The following GMCL1 variants were observed in gnomAD, a reference collection of about 807,000 sequenced individuals.
The protein encoded by GMCL1 is germ cell-less 1, spermatogenesis associated.
A neutral mutation model predicts 75.5 loss-of-function variants in GMCL1; 54 were observed. That is an observed-to-expected ratio of 0.71 (90% CI 0.57 to 0.90). The LOEUF (loss-of-function observed/expected upper bound fraction) is 0.90. GMCL1 is among the 40% of genes least tolerant of loss of function. The probability of loss-of-function intolerance (pLI) is 0.00; values close to 1 mark genes in which losing one functional copy is unlikely to be tolerated. For synonymous variants in GMCL1, 210 were observed against 209.6 expected, an observed-to-expected ratio of 1.00 and a Z score of -0.02; for missense variants, 537 against 622.7, an observed-to-expected ratio of 0.86 and a Z score of 1.47.
chr2:69,857,091 T>C (rs1018474008), intron 9 of GMCL1, among the ~76,000 whole-genome samples: 1 of 152,210 alleles, frequency 6.6e-6, no homozygotes, highest in East Asian at 1.9e-4. Context: ...CAGGCTATTA[T>C]ATAGCCTAGC....
intron 7 of GMCL1, among the ~76,000 whole-genome samples, chr2:69,849,415 C>T (rs1298809563): frequency 1.3e-5 from 2 of 152,192 alleles, no homozygotes; most frequent in Non-Finnish European, 2.9e-5. Context: ...ATCTGCCCAC[C>T]TTGGCCTCCC....
At chr2:69,836,417 T>G (rs1674818557) in intron 1 of GMCL1, among the ~76,000 whole-genome samples, 1 of 152,206 alleles carries the variant, frequency 6.6e-6, no homozygotes, top group South Asian at 2.1e-4. Flanking sequence ...GAAACTACAT[T>G]GTCTCTTGAT....
rs539514355 is a variant in GMCL1, at chr2:69,881,184, C to A, written c.*2180C>A. 79 of 152,326 alleles carry A rather than the reference C, an allele frequency of 5.2e-4. No individual in the cohort carries two copies. The highest frequency in any genetic ancestry group is 1.9e-3 in the African/African-American group (77 of 41,568). The allele number at this position is 152,326 out of a possible 1,614,324, so 9.4% of individuals were successfully genotyped here. On this transcript the variant is annotated 3_prime_UTR_variant, in exon 14 of 14. Coordinates refer to ENST00000282570, the MANE Select transcript of GMCL1 (RefSeq NM_178439.5). The stretch of plus-strand genomic sequence containing the variant: ...CCAAGTTGCTTATGTCATCCATAGA[C>A]AGGATAATTCTTTCTTCAATCACAA...
Position 69,830,135 on chromosome 2 carries a change from C to T in GMCL1, c.243C>T (p.Leu81=), listed in dbSNP as rs1312301207. ...DEEEGDEQQR[L]LNTPRRKKLK... is the part of the protein sequence containing the mutation. Reference sequence around the variant, plus strand: ...AGGAGGGGGACGAGCAGCAGCGGCTCCTCAACACCCCTCGAAGGTACGTGG... The same window carrying T: ...AGGAGGGGGACGAGCAGCAGCGGCTTCTCAACACCCCTCGAAGGTACGTGG... The change falls in exon 1 of 14, where the codon CTC becomes CTT. Residue 81 remains leucine, a synonymous_variant. Coordinates refer to ENST00000282570, the MANE Select transcript of GMCL1 (RefSeq NM_178439.5). The T allele has an allele frequency of 6.4e-7, 1 of 1,566,882 alleles. No individual in the cohort carries two copies. Among genetic ancestry groups the T allele is most frequent in the Non-Finnish European group, 8.7e-7 (1 of 1,155,534 alleles).
chr2:69,843,287 C>A lies in GMCL1; in HGVS notation c.692+26C>A, dbSNP rs60400242. The A allele has an allele frequency of 5.8e-4, 728 of 1,249,396 alleles. 4 individuals carry two copies. In the East Asian group the frequency reaches 9.1e-3, roughly 16 times the overall value. The allele number at this position is 1,249,396 out of a possible 1,614,324, so 77.4% of individuals were successfully genotyped here. On this transcript the variant is annotated intron_variant, in intron 5 of 13. Transcript: ENST00000282570. ...GTGAGTTGCCTTTCTTGTTTTTCTT[C>A]CTATCCCACTTTTAGGAATTTGGTT...
At chr2:69,844,103 A>T (rs1675064298) in intron 5 of GMCL1, 28 bp from the exon 6 acceptor site, 1 of 1,137,970 alleles carries the variant, frequency 8.8e-7, no homozygotes, top group Non-Finnish European at 1.3e-6. Flanking sequence ...ATGGCATATA[A>T]TGTAATAATT....
chr2:69,848,289 C>T (rs182942303), intron 7 of GMCL1, among the ~76,000 whole-genome samples: 1 of 152,216 alleles, frequency 6.6e-6, no homozygotes, highest in African/African-American at 2.4e-5. Context: ...AAACTTCAGA[C>T]TGAGACACTT....
rs141057272 is a variant in GMCL1, at chr2:69,852,649, C to T, written c.935-2174C>T. Among the ~76,000 whole-genome samples the T allele has an allele frequency of 4.5e-3, 686 of 152,080 alleles. 3 individuals carry two copies. Among genetic ancestry groups the T allele is most frequent in the African/African-American group, 0.016 (657 of 41,450 alleles). Reference sequence around the variant, plus strand: ...CACCTCCCAGATTCAAGCAATTCTCCTGCCTCAGCCTCCCGAGTAGCTGGG... The same window carrying T: ...CACCTCCCAGATTCAAGCAATTCTCTTGCCTCAGCCTCCCGAGTAGCTGGG... On this transcript the variant is annotated intron_variant, in intron 8 of 13. Coordinates refer to ENST00000282570, the MANE Select transcript of GMCL1 (RefSeq NM_178439.5).
At chr2:69,851,294 A>G (rs1675312366) in intron 8 of GMCL1, among the ~76,000 whole-genome samples, 1 of 151,992 alleles carries the variant, frequency 6.6e-6, no homozygotes, top group Non-Finnish European at 1.5e-5. Flanking sequence ...AAGAATTAGC[A>G]GGGCAGCCTG....
chr2:69,844,259 A>C (rs916186582), intron 6 of GMCL1, 63 bp downstream of exon 6: 1 of 936,226 alleles, frequency 1.1e-6, no homozygotes, highest in African/African-American at 1.7e-5. Context: ...CATTTGTTAA[A>C]GTACATAACA....
chr2:69,830,375 G>T (rs569372193), intron 1 of GMCL1, among the ~76,000 whole-genome samples: 2 of 152,210 alleles, frequency 1.3e-5, no homozygotes, highest in Non-Finnish European at 2.9e-5. Context: ...CGCTTCCAGG[G>T]TGTTGTTACA....
Position 69,841,257 on chromosome 2 carries a change from C to A in GMCL1, c.579+218C>A, listed in dbSNP as rs747098672. 9.5e-4 allele frequency among the ~76,000 whole-genome samples: 145 copies of A among 152,148 alleles called. 1 individual carries two copies. Among genetic ancestry groups the A allele is most frequent in the Non-Finnish European group, 9.4e-4 (64 of 68,016 alleles). ...GATGTCTGCATAAAATGAATGCAGG[C>A]CATTTCTGTGTAGATATCTTAGTAT... On this transcript the variant is annotated intron_variant, in intron 4 of 13. Coordinates refer to ENST00000282570, the MANE Select transcript of GMCL1 (RefSeq NM_178439.5).
Position 69,855,685 on chromosome 2 carries a change from C to G in GMCL1, c.1072+725C>G, listed in dbSNP as rs546737587. On this transcript the variant is annotated intron_variant, in intron 9 of 13. Coordinates refer to ENST00000282570, the MANE Select transcript of GMCL1 (RefSeq NM_178439.5). ...GAAGGAAAACTTAGAGTTAACTCTT[C>G]TGGTATATTTGGAAGTGATGCATTT... 1.1e-4 allele frequency among the ~76,000 whole-genome samples: 17 copies of G among 152,232 alleles called. No individual in the cohort carries two copies. In the South Asian group the frequency reaches 3.5e-3, roughly 32 times the overall value.
intron 13 of GMCL1, 111 bp downstream of exon 13, chr2:69,871,943 T>C: frequency 1.4e-6 from 1 of 716,492 alleles, no homozygotes; most frequent in Non-Finnish European, 2.3e-6. Flanking sequence ...GACCTAAAAG[T>C]TGGTTTAAAA....
chr2:69,878,900 G>A lies in GMCL1; in HGVS notation c.1453-9G>A. The A allele has an allele frequency of 3.8e-6, 6 of 1,576,472 alleles. No homozygotes were observed. Among genetic ancestry groups the A allele is most frequent in the Non-Finnish European group, 5.2e-6 (6 of 1,146,504 alleles). On this transcript the variant is annotated splice_polypyrimidine_tract_variant and intron_variant, in intron 13 of 13. Transcript: ENST00000282570. ...TAATTGTCATTGAATCTACAAATCT[G>A]TCTTATAGGAACAAGTGGTGATGAA...
rs145849773 is a variant in GMCL1 at position 69,846,614 on chromosome 2, G to A, written c.759-929G>A. Among the ~76,000 whole-genome samples, 687 of 152,194 alleles carry A rather than the reference G, an allele frequency of 4.5e-3. 7 individuals carry two copies. The highest frequency in any genetic ancestry group is 0.014 in the African/African-American group (592 of 41,532). On this transcript the variant is annotated intron_variant, in intron 6 of 13. Transcript: ENST00000282570. Reference sequence around the variant, plus strand: ...GAGCAGGATCCTCTTAAAAACCCACGTGCTCTCTTGGCTTTTTATGGCTCA... The same window carrying A: ...GAGCAGGATCCTCTTAAAAACCCACATGCTCTCTTGGCTTTTTATGGCTCA...
chr2:69,859,509 C>T (rs1675577688), intron 9 of GMCL1, among the ~76,000 whole-genome samples: 1 of 150,574 alleles, frequency 6.6e-6, no homozygotes. Flanking sequence ...TTAGGCCAGA[C>T]ATGGTGGCTC....
intron 11 of GMCL1, among the ~76,000 whole-genome samples, chr2:69,866,984 G>T (rs1675836017): frequency 6.7e-6 from 1 of 149,996 alleles, no homozygotes; most frequent in Non-Finnish European, 1.5e-5. Context: ...TCACTCTGTT[G>T]CCCAGGCTGG....
chr2:69,852,786 G>A (rs2103991327), intron 8 of GMCL1, among the ~76,000 whole-genome samples: 1 of 152,278 alleles, frequency 6.6e-6, no homozygotes, highest in Non-Finnish European at 1.5e-5. Flanking sequence ...TGATCTGCCT[G>A]CCTCGGCCTC....
Sources: allele counts gnomAD v4.1 joint callset (sites outside exome capture counted in the v4.1 genomes callset), GRCh38; gene constraint gnomAD v4.1.1; transcripts MANE v1.5; gene names NCBI Gene and HGNC (gene_info 2026-07-23, HGNC 2026-07-21).